SHF: variants seen among roughly 807,000 people sequenced by gnomAD.
SHF encodes the protein SH2 domain-containing adapter protein F.
In SHF, 30 loss-of-function variants were observed where a neutral mutation model predicts 42.4. The observed-to-expected ratio is 0.71, with a 90% confidence interval of 0.53 to 0.96. The LOEUF is 0.96. Ranked by LOEUF, SHF falls within the 40% of genes least tolerant of loss-of-function variation. The pLI is 0.00. For synonymous variants in SHF, 264 were observed against 269.9 expected, an observed-to-expected ratio of 0.98 and a Z score of 0.21; for missense variants, 598 against 634.0, an observed-to-expected ratio of 0.94 and a Z score of 0.61.
At position 45,167,853 on chromosome 15, in the gene SHF, T is replaced by G; in HGVS notation, c.*94A>C. On this transcript the variant is annotated 3_prime_UTR_variant, in exon 7 of 7. Coordinates refer to ENST00000690270, the MANE Select transcript of SHF (RefSeq NM_001394037.1). ...ACTGGATCCCAGGAGAAGAAAGGTT[T>G]GAAAGATCACGTCCCTGGCAAGAGC... 1 of 1,230,432 alleles carries G rather than the reference T, an allele frequency of 8.1e-7. No individual in the cohort carries two copies. Among genetic ancestry groups the G allele is most frequent in the South Asian group, 2.3e-5 (1 of 43,290 alleles). 76.2% of individuals were successfully genotyped at this position (1,230,432 alleles called of 1,614,324 possible). A position where few individuals can be genotyped will look rare whatever the true frequency, so the allele number is the denominator to read the frequency against.
At chr15:45,186,178 G>A (rs1324432323) in intron 1 of SHF, among the ~76,000 whole-genome samples, 1 of 152,260 alleles carries the variant, frequency 6.6e-6, no homozygotes, top group Non-Finnish European at 1.5e-5. Context: ...TTGGAGAAGT[G>A]CCCTTGAACC....
At chr15:45,169,852 T>G (rs921749868) in intron 6 of SHF, among the ~76,000 whole-genome samples, 3 of 152,200 alleles carry the variant, frequency 2.0e-5, no homozygotes, top group Non-Finnish European at 4.4e-5. Flanking sequence ...CTCAGGGTAC[T>G]GGGGTTAGGA....
intron 2 of SHF, among the ~76,000 whole-genome samples, chr15:45,176,506 T>C (rs1456129588): frequency 6.6e-6 from 1 of 151,950 alleles, no homozygotes; most frequent in Non-Finnish European, 1.5e-5. Context: ...ATTTGGCCTC[T>C]CCCTAGATCC....
chr15:45,189,556 T>C (rs757945494), upstream of SHF, among the ~76,000 whole-genome samples: 35 of 152,006 alleles, frequency 2.3e-4, no homozygotes, highest in Non-Finnish European at 3.8e-4. Context: ...ACCTGGTTAA[T>C]TTTTTGTATT....
chr15:45,175,157 C>G, intron 3 of SHF, 62 bp downstream of exon 3: 1 of 1,521,552 alleles, frequency 6.6e-7, no homozygotes, highest in Non-Finnish European at 8.8e-7. Flanking sequence ...TCCTTCCATT[C>G]TCTTGAGCCT....
In SHF at chr15:45,167,882, A is replaced by G. The variant is rs1429252860; in HGVS notation, c.*65T>C. 8.0e-6 allele frequency: 11 copies of G among 1,374,926 alleles called. No individual in the cohort carries two copies. The East Asian group carries it at 2.9e-4, about 36-fold the overall frequency. The allele number at this position is 1,374,926 out of a possible 1,614,324, so 85.2% of individuals were successfully genotyped here. The stretch of plus-strand genomic sequence containing the variant: ...AGATCACGTCCCTGGCAAGAGCCAC[A>G]GCCCTCAGCCAGGTGATGGGCACAG... On this transcript the variant is annotated 3_prime_UTR_variant, in exon 7 of 7. Coordinates refer to ENST00000690270, the MANE Select transcript of SHF (RefSeq NM_001394037.1).
exon 1 of SHF, chr15:45,201,004 C>G (rs538285252): frequency 2.8e-6 from 1 of 359,232 alleles, no homozygotes; most frequent in Non-Finnish European, 5.5e-6. Flanking sequence ...CTAGGGAGTC[C>G]ACAGCGCTCC....
intron 6 of SHF, among the ~76,000 whole-genome samples, chr15:45,170,045 C>G (rs1897391414): frequency 1.3e-5 from 2 of 152,246 alleles, no homozygotes; most frequent in Admixed American, 6.5e-5. Context: ...GAGCAGGTCT[C>G]CAGGCCTGCC....
In SHF at chr15:45,187,471, G is replaced by A; in HGVS notation, c.481C>T (p.Pro161Ser). ...GCACTCACCCTATCGCTGCTGGCGG[G>A]GGGTCCGGAGATCCGCTCATCAGCA... The part of the protein sequence containing the change: ...PPADERISGP[P>S]ASSDRLAILE... The change falls in exon 1 of 7, where the codon CCC (proline) becomes TCC (serine). Residue 161 changes from proline to serine, a missense_variant. Pro to Ser is a moderately conservative substitution (Grantham distance 74). Transcript: ENST00000690270. 8.1e-7 allele frequency: 1 copy of A among 1,232,586 alleles called. No homozygotes were observed. Among genetic ancestry groups the A allele is most frequent in the Middle Eastern group, 2.6e-4 (1 of 3,878 alleles). The allele number at this position is 1,232,586 out of a possible 1,614,324, so 76.4% of individuals were successfully genotyped here. A position where few individuals can be genotyped will look rare whatever the true frequency, so the allele number is the denominator to read the frequency against.
At chr15:45,172,049 C>A (rs1372671776) in intron 5 of SHF, 47 bp from the exon 6 acceptor site, 5 of 1,613,904 alleles carry the variant, frequency 3.1e-6, no homozygotes, top group South Asian at 1.1e-5. Context: ...GGGTCCCTCG[C>A]TGTCCAGGCC....
chr15:45,187,763 G>T lies in SHF; in HGVS notation c.189C>A (p.Gly63=). The T allele has an allele frequency of 4.2e-6, 4 of 941,968 alleles. No individual in the cohort carries two copies. Among genetic ancestry groups the T allele is most frequent in the Non-Finnish European group, 5.5e-6 (4 of 731,948 alleles). The allele number at this position is 941,968 out of a possible 1,614,324, so 58.4% of individuals were successfully genotyped here. Residue 63 remains glycine (G), a synonymous_variant, in exon 1 of 7, where the codon GGC becomes GGA. Transcript: ENST00000690270. Reference sequence around the variant, plus strand: ...GGGGCGCCGGCTTGCTGCCCCCTCCGCCGCCGCCCCCCCCGCGGAAGCCCA... The same window carrying T: ...GGGGCGCCGGCTTGCTGCCCCCTCCTCCGCCGCCCCCCCCGCGGAAGCCCA... ...EHLGFRGGGG[G]GGGSKPAPPE... is the part of the protein sequence containing the mutation.
At chr15:45,186,674 A>AG (rs1898423875) in intron 1 of SHF, among the ~76,000 whole-genome samples, 1 of 152,244 alleles carries the variant, frequency 6.6e-6, no homozygotes, top group Non-Finnish European at 1.5e-5. Flanking sequence ...AGAATGGACC[A>AG]GGGGGAGAGG....
rs371284946 is a variant in SHF, at chr15:45,175,226, G to C, written c.840C>G (p.Ala280=). 24 of 1,609,184 alleles carry C rather than the reference G, an allele frequency of 1.5e-5. No individual in the cohort carries two copies. In the African/African-American group the frequency reaches 3.2e-4, roughly 22 times the overall value. Reference sequence around the variant, plus strand: ...CTCTCCACCAGGACTCACCTGCAAAGGCTTTGGAAATCCGCTCCTTCTTCC... The same window carrying C: ...CTCTCCACCAGGACTCACCTGCAAACGCTTTGGAAATCCGCTCCTTCTTCC... ...WEWKKERISK[A]FAVDIKVIKD... The change falls in exon 3 of 7, where the codon GCC becomes GCG. Residue 280 remains alanine, a synonymous_variant. Transcript: ENST00000690270.
At position 45,187,690 on chromosome 15, in the gene SHF, C is replaced by A. The variant is rs1372502007; in HGVS notation, c.262G>T (p.Ala88Ser). 3 of 1,199,166 alleles carry A rather than the reference C, an allele frequency of 2.5e-6. No homozygotes were observed. In the African/African-American group the frequency reaches 4.8e-5, roughly 19 times the overall value. The allele number at this position is 1,199,166 out of a possible 1,614,324, so 74.3% of individuals were successfully genotyped here. Residue 88 changes from alanine to serine, a missense_variant, in exon 1 of 7, where the codon GCG becomes TCG. Ala to Ser is a moderately conservative substitution (Grantham distance 99, BLOSUM62 1). This residue lies in a region of SHF where 159 missense variants were observed against 109.3 expected (regional missense o/e 1.45). Coordinates refer to ENST00000690270, the MANE Select transcript of SHF (RefSeq NM_001394037.1). ...GCGGCCAGGATGTCCGGGGGCGGCG[C>A]GGGGGGCGCGGCCGGAGAGGGCGCA... ...PPAPSPAAPP[A>S]PPPDILAAYR...
At chr15:45,169,392 G>A (rs911629594) in intron 6 of SHF, among the ~76,000 whole-genome samples, 2 of 152,210 alleles carry the variant, frequency 1.3e-5, no homozygotes, top group African/African-American at 4.8e-5. Context: ...AGACTGCTAG[G>A]AAAAGGCCTG....
chr15:45,179,976 C>T lies in SHF; in HGVS notation c.499-1670G>A, dbSNP rs568908434. Among the ~76,000 whole-genome samples the T allele has an allele frequency of 1.6e-4, 25 of 152,224 alleles. No individual in the cohort carries two copies. In the South Asian group the frequency reaches 5.2e-3, roughly 32 times the overall value. On this transcript the variant is annotated intron_variant, in intron 1 of 6. Coordinates refer to ENST00000690270, the MANE Select transcript of SHF (RefSeq NM_001394037.1). ...TGCATGTTCCTTCCACCTTGCTATT[C>T]CCTCTGAGGTACCTCCCAATGGCTC...
chr15:45,178,269 A>G lies in SHF; in HGVS notation c.536T>C (p.Val179Ala). 1 of 1,613,950 alleles carries G rather than the reference A, an allele frequency of 6.2e-7. No individual in the cohort carries two copies. Residue 179 changes from valine (V) to alanine (A), a missense_variant, in exon 2 of 7, where the codon GTT (valine) becomes GCT (alanine). This residue lies in a region of SHF where 439 missense variants were observed against 524.6 expected (regional missense o/e 0.84). Transcript: ENST00000690270. ...TGCTGAGCCTTCGCCAGTCTCCTGA[A>G]CATCAAACGGGTCCGCATAGTCTTC... The part of the protein sequence containing the change: ...ILEDYADPFD[V>A]QETGEGSAGA...
exon 1 of SHF, chr15:45,201,096 C>T: frequency 5.8e-6 from 2 of 342,254 alleles, no homozygotes; most frequent in Non-Finnish European, 1.2e-5. Context: ...TGGCCGCCAT[C>T]TAGACGAGAA....
At chr15:45,182,752 T>C (rs1406992705) in intron 1 of SHF, among the ~76,000 whole-genome samples, 1 of 152,256 alleles carries the variant, frequency 6.6e-6, no homozygotes, top group Non-Finnish European at 1.5e-5. Flanking sequence ...AAGCCCTTTG[T>C]CACTGAAAAC....
Sources: gnomAD v4.1 joint callset for allele counts (sites outside exome capture counted in the v4.1 genomes callset) on GRCh38, gnomAD v4.1.1 for gene constraint, gnomAD v4.1.1 regional missense constraint, MANE v1.5 for transcripts, NCBI Gene and HGNC (gene_info 2026-07-23, HGNC 2026-07-21) for gene names.